The following UPP2 variants were observed in gnomAD, a reference collection of about 807,000 sequenced individuals.
UPP2 encodes uridine phosphorylase 2, also known as UPase 2.
Under a neutral mutation model 26.7 loss-of-function variants are expected in UPP2, and 23 were observed. The ratio of observed to expected loss-of-function variants is 0.86; its 90% CI spans 0.62 to 1.22. The LOEUF (loss-of-function observed/expected upper bound fraction) is 1.22, where lower values mean the gene tolerates loss of function less well. UPP2 is among the 50% of genes most tolerant of loss of function. The pLI, the probability that UPP2 is intolerant of heterozygous loss-of-function variation, is 0.00. For missense variants in UPP2, 387 were observed against 396.7 expected (o/e 0.98, Z 0.21); for synonymous variants, 127 against 141.3 (o/e 0.90, Z 0.72).
chr2:158,006,451 T>C (rs1373919718), intron 2 of UPP2, among the ~76,000 whole-genome samples: 2 of 124,722 alleles, frequency 1.6e-5, no homozygotes, highest in African/African-American at 3.1e-5. Context: ...CACTCCAGCC[T>C]GGGTGAAAGA....
intron 2 of UPP2, among the ~76,000 whole-genome samples, chr2:158,005,919 A>T (rs1332223444): frequency 6.6e-6 from 1 of 152,066 alleles, no homozygotes; most frequent in Non-Finnish European, 1.5e-5. Flanking sequence ...AGTCCCCTTG[A>T]AGCAAATAAG....
chr2:158,046,166 T>C (rs1684149872), intron 3 of UPP2, among the ~76,000 whole-genome samples: 1 of 152,210 alleles, frequency 6.6e-6, no homozygotes, highest in Admixed American at 6.5e-5. Context: ...ATCCAGTGGG[T>C]AGGGCTCATT....
At chr2:158,118,536 A>T (rs1010775265) in intron 4 of UPP2, among the ~76,000 whole-genome samples, 30 of 151,996 alleles carry the variant, frequency 2.0e-4, no homozygotes, top group African/African-American at 7.0e-4. Flanking sequence ...AGCTGTATAG[A>T]GGCCTTGGTT....
At position 158,102,108 on chromosome 2, in the gene UPP2, C is replaced by A; in HGVS notation, c.45C>A (p.Asp15Glu). 2 of 1,613,252 alleles carry A rather than the reference C, an allele frequency of 1.2e-6. No individual in the cohort carries two copies. The highest frequency in any genetic ancestry group is 1.7e-6 in the Non-Finnish European group (2 of 1,179,650). The change falls in exon 1 of 7, where the codon GAC (aspartate) becomes GAA (glutamate). Residue 15 changes from aspartate (D) to glutamate (E), a missense_variant. Asp to Glu is a conservative substitution (Grantham distance 45). Coordinates refer to ENST00000005756, the MANE Select transcript of UPP2 (RefSeq NM_173355.4). ...IPASNRSMRS[D>E]RNTYVGKRFV... Reference sequence around the variant, plus strand: ...CCTCCAATAGGTCCATGAGATCTGACAGGAATACATATGTTGGGTGAGTAA... The same window carrying A: ...CCTCCAATAGGTCCATGAGATCTGAAAGGAATACATATGTTGGGTGAGTAA...
At chr2:158,089,578 G>A (rs1308650122) in intron 3 of UPP2, among the ~76,000 whole-genome samples, 1 of 152,180 alleles carries the variant, frequency 6.6e-6, no homozygotes, top group Admixed American at 6.5e-5. Context: ...CCTTCTCTCT[G>A]GTCATTTCCC....
At chr2:158,015,951 T>C (rs1010851111) in intron 3 of UPP2, 1 of 373,164 alleles carries the variant, frequency 2.7e-6, no homozygotes, top group Non-Finnish European at 5.3e-6. Flanking sequence ...TATAGTGGTA[T>C]GAAAAAGGAC....
chr2:158,012,399 C>T (rs964023859), intron 2 of UPP2, among the ~76,000 whole-genome samples: 5 of 150,058 alleles, frequency 3.3e-5, no homozygotes. Context: ...TCCCGAGTAG[C>T]TGCGATTACA....
intron 3 of UPP2, among the ~76,000 whole-genome samples, chr2:158,033,814 CT>C (rs1683961594): frequency 6.6e-6 from 1 of 152,212 alleles, no homozygotes; most frequent in South Asian, 2.1e-4. Flanking sequence ...CCAAGGTTCT[CT>C]TAAAACATGC....
At chr2:158,003,891 C>T (rs1015271017) in intron 2 of UPP2, among the ~76,000 whole-genome samples, 10 of 152,126 alleles carry the variant, frequency 6.6e-5, no homozygotes, top group African/African-American at 2.4e-4. Context: ...TGCAACATTT[C>T]TCTAAGTGCT....
chr2:158,013,059 AGTG>A (rs1168563688), intron 2 of UPP2, among the ~76,000 whole-genome samples: 2 of 151,964 alleles, frequency 1.3e-5, no homozygotes, highest in Non-Finnish European at 2.9e-5. Flanking sequence ...GCCGGAGTGC[AGTG>A]GTGCAATCGT....
intron 6 of UPP2, among the ~76,000 whole-genome samples, chr2:158,132,634 C>T (rs1683843177): frequency 6.6e-6 from 1 of 152,120 alleles, no homozygotes; most frequent in African/African-American, 2.4e-5. Context: ...ACTGATACAT[C>T]TGATAAGAGG....
chr2:158,066,882 T>C lies in UPP2; in HGVS notation c.148-35158T>C, dbSNP rs1420920609. On this transcript the variant is annotated intron_variant, in intron 3 of 9. Coordinates refer to the UPP2 transcript ENST00000605860. ...TTTTTAGCAAAATTTTGCCTTTGTC[T>C]TGTGCAGAGCATGTGGGATATGCCC... Among the ~76,000 whole-genome samples the C allele has an allele frequency of 2.0e-5, 3 of 152,184 alleles. No individual in the cohort carries two copies. In the East Asian group the frequency reaches 5.8e-4, roughly 29 times the overall value.
At chr2:158,123,328 C>T (rs1450885125) in intron 5 of UPP2, among the ~76,000 whole-genome samples, 3 of 151,154 alleles carry the variant, frequency 2.0e-5, no homozygotes, top group Non-Finnish European at 4.4e-5. Flanking sequence ...TCCTGATCCT[C>T]AAGTAGCTTA....
intron 3 of UPP2, among the ~76,000 whole-genome samples, chr2:158,044,408 G>T (rs1013475625): frequency 3.3e-5 from 5 of 152,042 alleles, no homozygotes; most frequent in Non-Finnish European, 7.4e-5. Flanking sequence ...AAGTCTCGGG[G>T]CAGGAGAGGA....
At chr2:158,079,320 T>C (rs958128967) in intron 3 of UPP2, among the ~76,000 whole-genome samples, 5 of 152,214 alleles carry the variant, frequency 3.3e-5, no homozygotes, top group Middle Eastern at 3.4e-3. Context: ...AAAGCCTACT[T>C]GTATATGTCC....
intron 3 of UPP2, among the ~76,000 whole-genome samples, chr2:158,020,754 G>A (rs1179716479): frequency 6.6e-6 from 1 of 152,240 alleles, no homozygotes; most frequent in African/African-American, 2.4e-5. Flanking sequence ...GATCAAGGAT[G>A]TTAAACACAA....
At chr2:158,044,725 G>A (rs763024283) in intron 3 of UPP2, among the ~76,000 whole-genome samples, 10 of 152,186 alleles carry the variant, frequency 6.6e-5, no homozygotes, top group Non-Finnish European at 8.8e-5. Flanking sequence ...GTACACAAGC[G>A]TGGGAACACA....
chr2:158,056,139 AG>A (rs1240584331), intron 3 of UPP2, among the ~76,000 whole-genome samples: 11 of 152,228 alleles, frequency 7.2e-5, no homozygotes, highest in Non-Finnish European at 1.5e-5. Context: ...TCAAAATCAA[AG>A]CTTTGAGAAA....
intron 2 of UPP2, among the ~76,000 whole-genome samples, chr2:158,009,641 T>G (rs1683545243): frequency 6.6e-6 from 1 of 152,204 alleles, no homozygotes; most frequent in South Asian, 2.1e-4. Flanking sequence ...AGGTTTCCCA[T>G]TTCTCAACAG....
Sources: allele counts gnomAD v4.1 joint callset (sites outside exome capture counted in the v4.1 genomes callset), GRCh38; gene constraint gnomAD v4.1.1; transcripts MANE v1.5; gene names NCBI Gene and HGNC (gene_info 2026-07-23, HGNC 2026-07-21).